TMPRSS15: variants seen among roughly 807,000 people sequenced by gnomAD.
TMPRSS15 encodes the protein transmembrane serine protease 15.
In TMPRSS15, 128 loss-of-function variants were observed where a neutral mutation model predicts 125.3. That is an observed-to-expected ratio of 1.02 (90% CI 0.89 to 1.18). TMPRSS15 has a LOEUF of 1.18. Among genes scored for constraint, TMPRSS15 ranks in the 50% most tolerant of loss-of-function variants. TMPRSS15 has a pLI of 0.00. For missense variants in TMPRSS15, 1,283 were observed against 1,212.7 expected (o/e 1.06, Z -0.86); for synonymous variants, 446 against 423.2 (o/e 1.05, Z -0.66).
Position 18,321,721 on chromosome 21 carries a change from T to C in TMPRSS15, c.1921+4711A>G, listed in dbSNP as rs570128316. On this transcript the variant is annotated intron_variant, in intron 16 of 24. Transcript: ENST00000284885. ...CACCAAAGTAAAGTGCCAGGATGTG[T>C]GTCCAATCTCGCTTTCCCTTACCAG... Among the ~76,000 whole-genome samples the C allele has an allele frequency of 4.6e-5, 7 of 152,346 alleles. No homozygotes were observed. The South Asian group carries it at 1.4e-3, about 32-fold the overall frequency.
chr21:18,311,161 G>A (rs146115862), intron 18 of TMPRSS15, among the ~76,000 whole-genome samples: 3,341 of 151,400 alleles, frequency 0.022, 128 homozygotes, highest in African/African-American at 0.077. Context: ...AAACACTCCA[G>A]GACATCGGTC....
rs1331207663 is a variant in TMPRSS15 at position 18,326,435 on chromosome 21, GA to G, written c.1917del (p.Pro640GlnfsTer20). On this transcript the variant is annotated frameshift_variant, in exon 16 of 25. Coordinates refer to ENST00000284885, the MANE Select transcript of TMPRSS15 (RefSeq NM_002772.3). LOFTEE classifies it high-confidence loss of function. ...TGTGTGATTTATGGGCTCCTACCTG[GA>G]ATCCCCAAGTGATAGCCAGTAGTAA... is the stretch of plus-strand genomic sequence containing the variant. Reference protein sequence around the residue: ...ANFTTGYHLGIPEPCKADHFQ... With the variant: ...ANFTTGYHLGXPEPCKADHFQ... The G allele has an allele frequency of 1.2e-6, 2 of 1,613,954 alleles. No homozygotes were observed. Among genetic ancestry groups the G allele is most frequent in the African/African-American group, 2.7e-5 (2 of 74,890 alleles).
chr21:18,326,387 T>G, intron 16 of TMPRSS15, 45 bp downstream of exon 16: 1 of 1,613,720 alleles, frequency 6.2e-7, no homozygotes, highest in Non-Finnish European at 8.5e-7. Context: ...CTTTGCTGTT[T>G]TGCTCCAAAA....
chr21:18,437,508 C>A (rs186554679), intron 1 of TMPRSS15, among the ~76,000 whole-genome samples: 1 of 151,918 alleles, frequency 6.6e-6, no homozygotes, highest in Non-Finnish European at 1.5e-5. Context: ...TTCTGCACAG[C>A]GAAAAAAACT....
rs149163373 is a variant in TMPRSS15, at chr21:18,464,736, A to C, written c.10+21063T>G. Among the ~76,000 whole-genome samples the C allele has an allele frequency of 2.6e-5, 4 of 152,312 alleles. No homozygotes were observed. The East Asian group carries it at 7.7e-4, about 29-fold the overall frequency. Reference sequence around the variant, plus strand: ...AAGAAGTCAAATCCCTGAATAGACCAATAACAATTTCTGAAATTGAGGCAG... The same window carrying C: ...AAGAAGTCAAATCCCTGAATAGACCCATAACAATTTCTGAAATTGAGGCAG... On this transcript the variant is annotated intron_variant, in intron 1 of 7. Coordinates refer to the TMPRSS15 transcript ENST00000422787.
intron 13 of TMPRSS15, among the ~76,000 whole-genome samples, chr21:18,333,803 T>A (rs1436398280): frequency 6.6e-6 from 1 of 152,148 alleles, no homozygotes; most frequent in Non-Finnish European, 1.5e-5. Context: ...CTTTATAAAA[T>A]TCTTAACATA....
At chr21:18,388,641 C>A (rs868610926) in intron 3 of TMPRSS15, among the ~76,000 whole-genome samples, 1 of 152,110 alleles carries the variant, frequency 6.6e-6, no homozygotes, top group Admixed American at 6.6e-5. Flanking sequence ...GAGGTTAAAG[C>A]CTTTTGGAAA....
intron 13 of TMPRSS15, among the ~76,000 whole-genome samples, chr21:18,332,507 G>C (rs1327869432): frequency 6.6e-6 from 1 of 152,066 alleles, no homozygotes; most frequent in Non-Finnish European, 1.5e-5. Context: ...ATAGAAGCTG[G>C]ATATTGGATC....
chr21:18,284,460 G>C (rs893116595), intron 21 of TMPRSS15, among the ~76,000 whole-genome samples: 2 of 152,218 alleles, frequency 1.3e-5, no homozygotes, highest in Non-Finnish European at 1.5e-5. Flanking sequence ...TGTAATCACT[G>C]TTGGGATACT....
intron 21 of TMPRSS15, among the ~76,000 whole-genome samples, chr21:18,293,057 C>T (rs1387979656): frequency 6.6e-6 from 1 of 152,080 alleles, no homozygotes; most frequent in Non-Finnish European, 1.5e-5. Flanking sequence ...AACCTGAGAG[C>T]TAGTTGAGGG....
At chr21:18,296,266 C>A (rs1004336048) in intron 19 of TMPRSS15, among the ~76,000 whole-genome samples, 4 of 152,146 alleles carry the variant, frequency 2.6e-5, no homozygotes, top group Admixed American at 2.0e-4. Context: ...CAACCACTAG[C>A]GCAAGGGCAT....
chr21:18,333,702 T>A (rs1237510786), intron 13 of TMPRSS15, among the ~76,000 whole-genome samples: 1 of 152,142 alleles, frequency 6.6e-6, no homozygotes. Context: ...AGAAGCCAGG[T>A]TGAGACGGGT....
intron 16 of TMPRSS15, among the ~76,000 whole-genome samples, chr21:18,325,060 G>A (rs1039530478): frequency 1.3e-5 from 2 of 151,556 alleles, no homozygotes; most frequent in Admixed American, 6.6e-5. Context: ...TTTCTTCTAA[G>A]TTAAATTCTC....
At chr21:18,421,450 C>T (rs1033014263) in intron 1 of TMPRSS15, among the ~76,000 whole-genome samples, 2 of 152,116 alleles carry the variant, frequency 1.3e-5, no homozygotes, top group Non-Finnish European at 2.9e-5. Flanking sequence ...ATAATAGTTA[C>T]CTAATAGTTA....
intron 1 of TMPRSS15, among the ~76,000 whole-genome samples, chr21:18,462,265 T>C (rs1978564491): frequency 1.3e-5 from 2 of 152,146 alleles, no homozygotes; most frequent in African/African-American, 4.8e-5. Context: ...TTGTGTATAA[T>C]AGCAATATGA....
chr21:18,452,570 G>A (rs924320388), intron 1 of TMPRSS15, among the ~76,000 whole-genome samples: 2 of 152,150 alleles, frequency 1.3e-5, no homozygotes, highest in African/African-American at 2.4e-5. Context: ...AGAGGCTGAG[G>A]TGGGAGAATC....
chr21:18,305,439 C>T (rs11909416), intron 18 of TMPRSS15, among the ~76,000 whole-genome samples: 83,588 of 151,896 alleles, frequency 0.55, 23,090 homozygotes, highest in East Asian at 0.6. Context: ...CCGCCCTTCT[C>T]GGCCTCCCAA....
At chr21:18,286,578 A>G (rs112565725) in intron 21 of TMPRSS15, among the ~76,000 whole-genome samples, 170 of 152,328 alleles carry the variant, frequency 1.1e-3, no homozygotes, top group Middle Eastern at 6.8e-3. Context: ...ATCTGTGATC[A>G]TTAATAAATG....
At chr21:18,451,760 G>T (rs559136983) in intron 1 of TMPRSS15, among the ~76,000 whole-genome samples, 4 of 152,020 alleles carry the variant, frequency 2.6e-5, no homozygotes, top group East Asian at 1.9e-4. Flanking sequence ...GGTGGAAAAG[G>T]TTCAGTTTTT....
Sources: gnomAD v4.1 joint callset for allele counts (sites outside exome capture counted in the v4.1 genomes callset) on GRCh38, gnomAD v4.1.1 for gene constraint, MANE v1.5 for transcripts, NCBI Gene and HGNC (gene_info 2026-07-23, HGNC 2026-07-21) for gene names.